The following B4GALNT2 variants were observed in gnomAD, a reference collection of about 807,000 sequenced individuals.
B4GALNT2 encodes the protein N-acetylneuraminylgalactosylglucosyl-glucoside beta-1,4-N- acetylgalactosaminyltransferase 2.
In B4GALNT2, 42 loss-of-function variants were observed where a neutral mutation model predicts 51.1. That is an observed-to-expected ratio of 0.82 (90% CI 0.64 to 1.06). The LOEUF (loss-of-function observed/expected upper bound fraction) is 1.06, where lower values mean the gene tolerates loss of function less well. Among genes scored for constraint, B4GALNT2 ranks in the 50% least tolerant of loss-of-function variants. The probability of loss-of-function intolerance (pLI) is 0.00; values close to 1 mark genes in which losing one functional copy is unlikely to be tolerated. For missense variants in B4GALNT2, 602 were observed against 633.6 expected (o/e 0.95, Z 0.54); for synonymous variants, 253 against 251.7 (o/e 1.01, Z -0.05).
the B4GALNT2 span, among the ~76,000 whole-genome samples, chr17:49,121,240 A>G: frequency 1.3e-5 from 2 of 152,150 alleles, no homozygotes; most frequent in Non-Finnish European, 2.9e-5. Context: ...GGAATAAGAC[A>G]TGGTCTCATT....
At position 49,158,451 on chromosome 17, in the gene B4GALNT2, C is replaced by A. The variant is rs540465948; in HGVS notation, c.499-586C>A. ...GAGTTTGAGACCAGCCTGGCAAACA[C>A]GGCGAAAGCCCGTCTCTACTAAACA... is the stretch of plus-strand genomic sequence containing the variant. On this transcript the variant is annotated intron_variant, in intron 5 of 10. Coordinates refer to ENST00000393354, the MANE Select transcript of B4GALNT2 (RefSeq NM_001159387.2). 4.3e-4 allele frequency among the ~76,000 whole-genome samples: 66 copies of A among 152,030 alleles called. 1 individual carries two copies. Among genetic ancestry groups the A allele is most frequent in the African/African-American group, 1.6e-3 (65 of 41,454 alleles).
rs2042647957 is a variant in B4GALNT2, at chr17:49,141,979, C to G, written c.216-56C>G. ...CACTGGATTAGGACTCCGGTTTCCT[C>G]TCACCCACCAGCCTACCCACCCAAT... On this transcript the variant is annotated intron_variant, in intron 2 of 10. Transcript: ENST00000393354. The G allele has an allele frequency of 1.9e-6, 3 of 1,605,492 alleles. No individual in the cohort carries two copies. The East Asian group carries it at 6.7e-5, about 36-fold the overall frequency.
chr17:49,148,266 C>A, intron 3 of B4GALNT2: 1 of 293,952 alleles, frequency 3.4e-6, no homozygotes, highest in Non-Finnish European at 6.7e-6. Flanking sequence ...TGCCGCTGCA[C>A]TCCAGCCTGG....
the B4GALNT2 span, among the ~76,000 whole-genome samples, chr17:49,127,239 C>T: frequency 6.6e-6 from 1 of 152,140 alleles, no homozygotes; most frequent in African/African-American, 2.4e-5. Flanking sequence ...CAAGGTGTAG[C>T]TATCTTTATT....
chr17:49,167,145 G>A (rs919392568), intron 9 of B4GALNT2, among the ~76,000 whole-genome samples: 2 of 145,398 alleles, frequency 1.4e-5, no homozygotes, highest in Non-Finnish European at 3.0e-5. Context: ...ACCAGATCAC[G>A]ATAACTTAAG....
chr17:49,142,785 C>T (rs1036550291), intron 3 of B4GALNT2, among the ~76,000 whole-genome samples: 3 of 152,100 alleles, frequency 2.0e-5, no homozygotes, highest in Admixed American at 6.5e-5. Context: ...CTCCATGCAC[C>T]CAGGCCATCA....
chr17:49,165,170 A>G (rs753866391), intron 8 of B4GALNT2, among the ~76,000 whole-genome samples: 1 of 152,040 alleles, frequency 6.6e-6, no homozygotes, highest in Non-Finnish European at 1.5e-5. Context: ...AAGCGACTTG[A>G]GGTCTCTGAC....
At chr17:49,126,083 A>C in the B4GALNT2 span, among the ~76,000 whole-genome samples, 1 of 152,118 alleles carries the variant, frequency 6.6e-6, no homozygotes, top group East Asian at 1.9e-4. Context: ...GAAAAGATTG[A>C]GAAATCGGAT....
At chr17:49,133,351 G>C in intron 1 of B4GALNT2, 3 of 1,051,108 alleles carry the variant, frequency 2.9e-6, no homozygotes, top group Non-Finnish European at 3.8e-6. Context: ...CCGCAGGGCA[G>C]AGTGAGCTGC....
upstream of B4GALNT2, among the ~76,000 whole-genome samples, chr17:49,130,188 A>C (rs1282812709): frequency 6.6e-6 from 1 of 152,252 alleles, no homozygotes; most frequent in Non-Finnish European, 1.5e-5. Flanking sequence ...ATGTGAAGCA[A>C]GAGTTATGCC....
chr17:49,143,821 C>T (rs1444957376), intron 3 of B4GALNT2, among the ~76,000 whole-genome samples: 3 of 147,132 alleles, frequency 2.0e-5, no homozygotes, highest in African/African-American at 7.7e-5. Flanking sequence ...GCACATGCAT[C>T]AGCTGAGGTC....
chr17:49,155,952 C>T (rs1215208022), intron 4 of B4GALNT2, among the ~76,000 whole-genome samples: 1 of 152,050 alleles, frequency 6.6e-6, no homozygotes, highest in East Asian at 1.9e-4. Flanking sequence ...TGATCTCGAT[C>T]TCCTGACCTC....
At position 49,169,743 on chromosome 17, in the gene B4GALNT2, A is replaced by C; in HGVS notation, c.*15A>C. 6.5e-7 allele frequency: 1 copy of C among 1,540,034 alleles called. No homozygotes were observed. Among genetic ancestry groups the C allele is most frequent in the Non-Finnish European group, 8.8e-7 (1 of 1,139,764 alleles). On this transcript the variant is annotated 3_prime_UTR_variant, in exon 11 of 11. Coordinates refer to ENST00000393354, the MANE Select transcript of B4GALNT2 (RefSeq NM_001159387.2). ...GTGCCGCATAAAGGTGTGAGGGCAT[A>C]GGAGAAACACTAGGCTGGCTGGTTA...
chr17:49,136,069 C>T (rs908035433), intron 1 of B4GALNT2, among the ~76,000 whole-genome samples: 15 of 139,618 alleles, frequency 1.1e-4, no homozygotes, highest in Non-Finnish European at 4.5e-5. Flanking sequence ...GGCAACAGAG[C>T]GAGACTCTGG....
rs761027825 is a variant in B4GALNT2 at position 49,141,406 on chromosome 17, T to C, written c.174T>C (p.Pro58=). ...APGVQKLKLL[P]EERLRNLFSY... The stretch of plus-strand genomic sequence containing the variant: ...GTGTCCAGAAGCTGAAGCTTCTGCC[T>C]GAGGAACGTCTCAGGAACCTCTTTT... The change falls in exon 2 of 11, where the codon CCT becomes CCC. Residue 58 remains proline, a synonymous_variant. Transcript: ENST00000393354. 1 of 1,614,078 alleles carries C rather than the reference T, an allele frequency of 6.2e-7. No homozygotes were observed. Among genetic ancestry groups the C allele is most frequent in the Admixed American group, 1.7e-5 (1 of 60,006 alleles).
intron 1 of B4GALNT2, among the ~76,000 whole-genome samples, chr17:49,133,561 A>T (rs948764314): frequency 3.3e-5 from 5 of 152,236 alleles, no homozygotes; most frequent in African/African-American, 1.2e-4. Context: ...TTGACAAAGA[A>T]GTCATCTCAC....
Position 49,175,471 on chromosome 17 carries a change from A to G in B4GALNT2, c.*5743A>G, listed in dbSNP as rs752921121. On this transcript the variant is annotated 3_prime_UTR_variant, in exon 11 of 11. Coordinates refer to ENST00000393354, the MANE Select transcript of B4GALNT2 (RefSeq NM_001159387.2). ...CCTGTATGTACTTGCACTCCTTTTAAATTTAAACTAGATCTACCTAGAAGT... is the reference window on the plus strand; with the variant it reads ...CCTGTATGTACTTGCACTCCTTTTAGATTTAAACTAGATCTACCTAGAAGT... The G allele has an allele frequency of 3.9e-5, 6 of 152,136 alleles. No individual in the cohort carries two copies. Among genetic ancestry groups the G allele is most frequent in the Non-Finnish European group, 5.9e-5 (4 of 68,024 alleles). The allele number at this position is 152,136 out of a possible 1,614,324, so 9.4% of individuals were successfully genotyped here. A position where few individuals can be genotyped will look rare whatever the true frequency, so the allele number is the denominator to read the frequency against.
intron 1 of B4GALNT2, among the ~76,000 whole-genome samples, chr17:49,139,872 T>C (rs988080649): frequency 1.3e-5 from 2 of 151,824 alleles, no homozygotes; most frequent in Non-Finnish European, 1.5e-5. Flanking sequence ...TCTACTTTAT[T>C]ACAGTTTTCT....
Position 49,171,207 on chromosome 17 carries a change from T to G in B4GALNT2, c.*1479T>G, listed in dbSNP as rs1262897110. The G allele has an allele frequency of 4.3e-6, 1 of 234,066 alleles. No homozygotes were observed. The highest frequency in any genetic ancestry group is 8.5e-6 in the Non-Finnish European group (1 of 118,114). 14.5% of individuals were successfully genotyped at this position (234,066 alleles called of 1,614,324 possible). On this transcript the variant is annotated 3_prime_UTR_variant, in exon 11 of 11. Coordinates refer to ENST00000393354, the MANE Select transcript of B4GALNT2 (RefSeq NM_001159387.2). ...AAAAGCAAAGGCAGCTTTGTCATGG[T>G]GAGCTAATTCTCACAGGAGTCAGGA...
Sources: gnomAD v4.1 joint callset for allele counts (sites outside exome capture counted in the v4.1 genomes callset) on GRCh38, gnomAD v4.1.1 for gene constraint, MANE v1.5 for transcripts, NCBI Gene and HGNC (gene_info 2026-07-23, HGNC 2026-07-21) for gene names.